Variants in FYTTD1 observed in about 807,000 individuals in gnomAD.
The protein encoded by FYTTD1 is forty-two-three domain containing 1, also known as UAP56-interacting factor.
A neutral mutation model predicts 40.9 loss-of-function variants in FYTTD1; 22 were observed. The ratio of observed to expected loss-of-function variants is 0.54; its 90% confidence interval spans 0.38 to 0.77. The LOEUF (loss-of-function observed/expected upper bound fraction) is 0.77. Ranked by LOEUF, FYTTD1 falls within the 30% of genes least tolerant of loss-of-function variation. The pLI is 0.00. For missense variants in FYTTD1, 351 were observed against 392.2 expected (o/e 0.90, Z 0.89); for synonymous variants, 140 against 137.9 (o/e 1.01, Z -0.10).
Position 197,787,019 on chromosome 3 carries a change from G to C in FYTTD1, c.*5110G>C, listed in dbSNP as rs781088447. 6.6e-6 allele frequency: 1 copy of C among 151,504 alleles called. No homozygotes were observed. The highest frequency in any genetic ancestry group is 1.9e-4 in the East Asian group (1 of 5,168). 9.4% of individuals were successfully genotyped at this position (151,504 alleles called of 1,614,324 possible). On this transcript the variant is annotated 3_prime_UTR_variant, in exon 9 of 9. Transcript: ENST00000241502. ...TCACCATGTTGGCCAGGCTGGTCTCGAACTCCTACCCTCAGGAGATCTGCC... is the reference window on the plus strand; with the variant it reads ...TCACCATGTTGGCCAGGCTGGTCTCCAACTCCTACCCTCAGGAGATCTGCC...
rs1728940641 is a variant in FYTTD1 at position 197,749,912 on chromosome 3, G to A, written c.-60G>A. 2.7e-6 allele frequency: 3 copies of A among 1,104,248 alleles called. No individual in the cohort carries two copies. The highest frequency in any genetic ancestry group is 3.8e-6 in the Non-Finnish European group (3 of 793,132). The allele number at this position is 1,104,248 out of a possible 1,614,324, so 68.4% of individuals were successfully genotyped here. ...CGGCGGGCTGCGTGCGCGAGTGGGAGGTGGCAGGCCTGCGACTCCGGCCTT... is the reference window on the plus strand; with the variant it reads ...CGGCGGGCTGCGTGCGCGAGTGGGAAGTGGCAGGCCTGCGACTCCGGCCTT... On this transcript the variant is annotated 5_prime_UTR_variant, in exon 1 of 9. Coordinates refer to ENST00000241502, the MANE Select transcript of FYTTD1 (RefSeq NM_032288.7).
intron 5 of FYTTD1, among the ~76,000 whole-genome samples, 185 bp from the exon 6 acceptor site, chr3:197,773,964 G>A (rs1364686288): frequency 2.0e-5 from 3 of 152,012 alleles, no homozygotes; most frequent in Non-Finnish European, 4.4e-5. Context: ...TTCTAGAATA[G>A]CGCGGGCCCC....
At chr3:197,750,113 G>C (rs1021783096) in intron 1 of FYTTD1, 39 bp downstream of exon 1, 3 of 1,451,042 alleles carry the variant, frequency 2.1e-6, no homozygotes, top group African/African-American at 1.5e-5. Flanking sequence ...GTGCGGGGGA[G>C]GGCGCGGGTG....
chr3:197,770,197 G>A lies in FYTTD1; in HGVS notation c.450G>A (p.Gln150=). 1 of 1,613,020 alleles carries A rather than the reference G, an allele frequency of 6.2e-7. No individual in the cohort carries two copies. The highest frequency in any genetic ancestry group is 8.5e-7 in the Non-Finnish European group (1 of 1,179,244). The change falls in exon 4 of 9, where the codon CAG becomes CAA. Residue 150 remains glutamine, a synonymous_variant. Coordinates refer to ENST00000241502, the MANE Select transcript of FYTTD1 (RefSeq NM_032288.7). ...ACCTTCTGAGACAAAATGAAGGGCA[G>A]AGGAAACCAGTAGCAGTTCTCAAGA... The part of the protein sequence containing the change: ...KANLLRQNEG[Q]RKPVAVLKRP...
At chr3:197,752,067 G>A (rs112701523) in intron 1 of FYTTD1, among the ~76,000 whole-genome samples, 9,675 of 152,120 alleles carry the variant, frequency 0.064, 644 homozygotes, top group African/African-American at 0.17. Flanking sequence ...GTAGAGACAG[G>A]GTTTCACCAT....
rs1267969701 is a variant in FYTTD1 at position 197,786,181 on chromosome 3, T to C, written c.*4272T>C. 2.0e-5 allele frequency: 3 copies of C among 151,774 alleles called. No individual in the cohort carries two copies. The highest frequency in any genetic ancestry group is 7.3e-5 in the African/African-American group (3 of 41,206). 9.4% of individuals were successfully genotyped at this position (151,774 alleles called of 1,614,324 possible). A position where few individuals can be genotyped will look rare whatever the true frequency, so the allele number is the denominator to read the frequency against. Reference sequence around the variant, plus strand: ...CCCAGGTTGGAGTGCAATGGTGCGATCTCGGCTCACCCCAACCTCCGCCTC... The same window carrying C: ...CCCAGGTTGGAGTGCAATGGTGCGACCTCGGCTCACCCCAACCTCCGCCTC... On this transcript the variant is annotated 3_prime_UTR_variant, in exon 9 of 9. Transcript: ENST00000241502.
At chr3:197,779,153 G>A (rs1729954926) in intron 8 of FYTTD1, among the ~76,000 whole-genome samples, 1 of 152,170 alleles carries the variant, frequency 6.6e-6, no homozygotes, top group Non-Finnish European at 1.5e-5. Flanking sequence ...GGTGGCTCAC[G>A]CCTGTAATCC....
intron 2 of FYTTD1, among the ~76,000 whole-genome samples, chr3:197,766,430 G>GGTTGTGTGTGTGTGTGTGT (rs1553909118): frequency 3.5e-4 from 47 of 135,070 alleles, no homozygotes; most frequent in East Asian, 4.7e-4. Flanking sequence ...GTTTGAGACT[G>GGTTGTGTGTGTGTGTGTGT]GTGTGTGTGT....
chr3:197,784,900 G>A lies in FYTTD1; in HGVS notation c.*2991G>A, dbSNP rs535216543. 3 of 152,276 alleles carry A rather than the reference G, an allele frequency of 2.0e-5. No individual in the cohort carries two copies. The highest frequency in any genetic ancestry group is 6.5e-5 in the Admixed American group (1 of 15,288). 9.4% of individuals were successfully genotyped at this position (152,276 alleles called of 1,614,324 possible). On this transcript the variant is annotated 3_prime_UTR_variant, in exon 9 of 9. Transcript: ENST00000241502. ...CCCCTCCTTTTTACACCTTAGTAAA[G>A]TGAGTCCTAGTGTTTTCAAGACTTG...
At chr3:197,777,359 C>T (rs1196091894) in intron 7 of FYTTD1, among the ~76,000 whole-genome samples, 1 of 151,988 alleles carries the variant, frequency 6.6e-6, no homozygotes, top group Non-Finnish European at 1.5e-5. Flanking sequence ...CAAGCTCAAG[C>T]GATCCTCCTG....
In FYTTD1 at chr3:197,776,950, G is replaced by T. The variant is rs757172718; in HGVS notation, c.680G>T (p.Gly227Val). 1 of 1,611,420 alleles carries T rather than the reference G, an allele frequency of 6.2e-7. No homozygotes were observed. The highest frequency in any genetic ancestry group is 8.5e-7 in the Non-Finnish European group (1 of 1,178,386). ...AGATGGCGGACTTCCACCACAAATG[G>T]AGGGATTTTGACTGTATCTATTGAC... ...TRQWRTSTTN[G>V]GILTVSIDNP... The change falls in exon 7 of 9, where the codon GGA (glycine) becomes GTA (valine). Residue 227 changes from glycine to valine, a missense_variant. Coordinates refer to ENST00000241502, the MANE Select transcript of FYTTD1 (RefSeq NM_032288.7).
At chr3:197,750,109 G>A (rs759131270) in intron 1 of FYTTD1, 35 bp downstream of exon 1, 3 of 1,464,728 alleles carry the variant, frequency 2.0e-6, no homozygotes, top group Middle Eastern at 1.8e-4. Flanking sequence ...TGGAGTGCGG[G>A]GGAGGGCGCG....
At chr3:197,759,393 G>A (rs540135137) in intron 2 of FYTTD1, among the ~76,000 whole-genome samples, 24 of 152,024 alleles carry the variant, frequency 1.6e-4, no homozygotes, top group Non-Finnish European at 2.8e-4. Context: ...GTGGTAGAAC[G>A]TATAGAGTTG....
intron 2 of FYTTD1, among the ~76,000 whole-genome samples, chr3:197,763,186 G>A (rs1433366371): frequency 1.3e-5 from 2 of 151,834 alleles, no homozygotes; most frequent in East Asian, 1.9e-4. Context: ...GCCCGAGGTG[G>A]GTGGATCACC....
intron 2 of FYTTD1, among the ~76,000 whole-genome samples, chr3:197,763,117 A>G (rs1006470833): frequency 6.6e-6 from 1 of 152,012 alleles, no homozygotes; most frequent in African/African-American, 2.4e-5. Flanking sequence ...CTATCTTACT[A>G]ATAGTTTTTA....
Position 197,785,115 on chromosome 3 carries a change from C to G in FYTTD1, c.*3206C>G, listed in dbSNP as rs1166590948. 6.6e-6 allele frequency: 1 copy of G among 152,146 alleles called. No individual in the cohort carries two copies. Among genetic ancestry groups the G allele is most frequent in the Non-Finnish European group, 1.5e-5 (1 of 68,016 alleles). The allele number at this position is 152,146 out of a possible 1,614,324, so 9.4% of individuals were successfully genotyped here. A position where few individuals can be genotyped will look rare whatever the true frequency, so the allele number is the denominator to read the frequency against. ...ATCTATTCTACCAGTGATGGTTATA[C>G]TTTATTACTTTGCTATTTGGGTTAG... On this transcript the variant is annotated 3_prime_UTR_variant, in exon 9 of 9. Transcript: ENST00000241502.
chr3:197,756,660 T>G, intron 2 of FYTTD1, 103 bp downstream of exon 2: 1 of 1,062,086 alleles, frequency 9.4e-7, no homozygotes, highest in Non-Finnish European at 1.4e-6. Flanking sequence ...CAGTACTCTT[T>G]GTGTTTTGTG....
chr3:197,761,658 G>A (rs967797809), intron 2 of FYTTD1, among the ~76,000 whole-genome samples: 9 of 152,134 alleles, frequency 5.9e-5, no homozygotes, highest in African/African-American at 1.7e-4. Context: ...TCAAAATGTC[G>A]TCAGGTACCC....
intron 1 of FYTTD1, among the ~76,000 whole-genome samples, chr3:197,752,233 A>C (rs1295334504): frequency 2.6e-5 from 4 of 151,620 alleles, no homozygotes; most frequent in Non-Finnish European, 5.9e-5. Flanking sequence ...AGTGATTGAC[A>C]GCATGGAATC....
Sources: gnomAD v4.1 joint callset for allele counts (sites outside exome capture counted in the v4.1 genomes callset) on GRCh38, gnomAD v4.1.1 for gene constraint, MANE v1.5 for transcripts, NCBI Gene and HGNC (gene_info 2026-07-23, HGNC 2026-07-21) for gene names.